CHUK: variants seen among roughly 807,000 people sequenced by gnomAD.
CHUK encodes inhibitor of nuclear factor kappa-B kinase subunit alpha.
CHUK carries 35 observed loss-of-function variants against 104.8 expected under a neutral mutation model. The ratio of observed to expected loss-of-function variants is 0.33; its 90% CI spans 0.26 to 0.44. The LOEUF (loss-of-function observed/expected upper bound fraction) is 0.44, where lower values mean the gene tolerates loss of function less well. Among genes scored for constraint, CHUK ranks in the 20% least tolerant of loss-of-function variants. The probability of loss-of-function intolerance (pLI) is 1.00; values close to 1 mark genes in which losing one functional copy is unlikely to be tolerated. For missense variants in CHUK, 663 were observed against 902.7 expected (o/e 0.73, Z 3.40); for synonymous variants, 276 against 291.9 (o/e 0.95, Z 0.56).
chr10:100,204,018 C>T (rs1845531149), intron 13 of CHUK, among the ~76,000 whole-genome samples: 1 of 152,226 alleles, frequency 6.6e-6, no homozygotes, highest in East Asian at 1.9e-4. Flanking sequence ...TCTGTCCTCA[C>T]ATGCAGAAGG....
At chr10:100,197,352 C>T (rs1845356718) in intron 16 of CHUK, among the ~76,000 whole-genome samples, 1 of 152,180 alleles carries the variant, frequency 6.6e-6, no homozygotes, top group Non-Finnish European at 1.5e-5. Context: ...CCTCCCTTGA[C>T]TCTACATCAA....
At chr10:100,219,473 TA>T (rs1250339907) in intron 5 of CHUK, 114 bp from the exon 6 acceptor site, 1 of 677,046 alleles carries the variant, frequency 1.5e-6, no homozygotes, top group Non-Finnish European at 2.6e-6. Context: ...TTGGGCTCTG[TA>T]ATAACACAAA....
chr10:100,201,962 T>C, intron 14 of CHUK, 126 bp downstream of exon 14: 1 of 761,510 alleles, frequency 1.3e-6, no homozygotes, highest in East Asian at 2.5e-5. Context: ...ACAAAGCATC[T>C]ACTAGAATTT....
At chr10:100,222,602 G>T (rs1343260404) in intron 3 of CHUK, among the ~76,000 whole-genome samples, 1 of 152,138 alleles carries the variant, frequency 6.6e-6, no homozygotes, top group Non-Finnish European at 1.5e-5. Flanking sequence ...AACATTTTCT[G>T]TAAGGAACCA....
In CHUK at chr10:100,189,509, C is replaced by T. The variant is rs1029590808; in HGVS notation, c.*89G>A. 1.4e-5 allele frequency: 14 copies of T among 1,001,262 alleles called. No homozygotes were observed. In the African/African-American group the frequency reaches 2.1e-4, roughly 15 times the overall value. 62.0% of individuals were successfully genotyped at this position (1,001,262 alleles called of 1,614,324 possible). ...AGCCATTTCTTCCATTGACTGATGTCTGAAGAATGGTTTCATGGGGGAAAA... is the reference window on the plus strand; with the variant it reads ...AGCCATTTCTTCCATTGACTGATGTTTGAAGAATGGTTTCATGGGGGAAAA... On this transcript the variant is annotated 3_prime_UTR_variant, in exon 21 of 21. Coordinates refer to ENST00000370397, the MANE Select transcript of CHUK (RefSeq NM_001278.5).
chr10:100,191,092 T>C (rs951918878), intron 19 of CHUK, 124 bp from the exon 20 acceptor site: 5 of 730,752 alleles, frequency 6.8e-6, no homozygotes, highest in South Asian at 4.2e-5. Flanking sequence ...CCCAGTGCAG[T>C]TGACTCCTGT....
chr10:100,212,301 C>A (rs796425863), intron 9 of CHUK, among the ~76,000 whole-genome samples: 1 of 152,250 alleles, frequency 6.6e-6, no homozygotes, highest in African/African-American at 2.4e-5. Context: ...CTCACTAACG[C>A]TTATCTTTTT....
chr10:100,224,082 G>A (rs1373130724), intron 2 of CHUK, among the ~76,000 whole-genome samples: 2 of 126,496 alleles, frequency 1.6e-5, no homozygotes, highest in Admixed American at 8.4e-5. Context: ...TTGCTCGCTC[G>A]TTCACTCTCT....
chr10:100,209,237 G>T (rs1027445404), intron 10 of CHUK, among the ~76,000 whole-genome samples: 1 of 152,142 alleles, frequency 6.6e-6, no homozygotes, highest in African/African-American at 2.4e-5. Flanking sequence ...GAGTTGGTCT[G>T]GCGGTAATTT....
chr10:100,206,270 T>C (rs1165361051), intron 11 of CHUK, among the ~76,000 whole-genome samples: 1 of 152,054 alleles, frequency 6.6e-6, no homozygotes, highest in Non-Finnish European at 1.5e-5. Context: ...TATTTTTAAA[T>C]ATTTTATGTT....
At chr10:100,223,495 G>A (rs980860145) in intron 2 of CHUK, among the ~76,000 whole-genome samples, 2 of 151,996 alleles carry the variant, frequency 1.3e-5, no homozygotes, top group Non-Finnish European at 2.9e-5. Flanking sequence ...AAAATTAGCC[G>A]GGTGTGGTGG....
At chr10:100,192,097 G>A (rs1356383115) in intron 19 of CHUK, among the ~76,000 whole-genome samples, 3 of 152,188 alleles carry the variant, frequency 2.0e-5, no homozygotes, top group African/African-American at 4.8e-5. Context: ...CAGCCTGGGC[G>A]ACAGAATGAG....
chr10:100,223,459 T>C (rs1418323740), intron 2 of CHUK, among the ~76,000 whole-genome samples: 1 of 151,436 alleles, frequency 6.6e-6, no homozygotes, highest in Admixed American at 6.6e-5. Context: ...GGTAACACAG[T>C]GAGACCTCAT....
chr10:100,227,248 T>C (rs1846125087), intron 1 of CHUK, among the ~76,000 whole-genome samples: 1 of 152,230 alleles, frequency 6.6e-6, no homozygotes. Context: ...ATGGGAAGTT[T>C]ATAGATGTAC....
intron 20 of CHUK, chr10:100,190,504 A>G (rs1230912380): frequency 3.6e-6 from 1 of 276,772 alleles, no homozygotes; most frequent in African/African-American, 2.2e-5. Context: ...TTTATTTTCT[A>G]TTCGGGAGGT....
rs1456787056 is a variant in CHUK, at chr10:100,220,302, C to CA, written c.474+285dup. On this transcript the variant is annotated intron_variant, in intron 5 of 20. Transcript: ENST00000370397. ...TTTGCTAGATACTATGATGGAAAAA[C>CA]AGACTTGAACAAGACAGGTGAAGTC... 1.3e-4 allele frequency among the ~76,000 whole-genome samples: 19 copies of CA among 151,010 alleles called. No individual in the cohort carries two copies. The East Asian group carries it at 3.7e-3, about 29-fold the overall frequency.
intron 9 of CHUK, among the ~76,000 whole-genome samples, chr10:100,213,000 CAAA>C (rs11349438): frequency 7.7e-5 from 8 of 104,524 alleles, no homozygotes; most frequent in East Asian, 2.8e-4. Flanking sequence ...GACTTTGTCT[CAAA>C]AAAAAAAAAA....
chr10:100,219,341 C>A lies in CHUK; in HGVS notation c.493G>T (p.Asp165Tyr). ...VGGKIIHKII[D>Y]LGYAKDVDQG... ...TCAACATCTTTGGCATATCCCAGAT[C>A]AATTATTTTATGTATTATCTGCAAA... Residue 165 changes from aspartate (D) to tyrosine (Y), a missense_variant, in exon 6 of 21, where the codon GAT (aspartate) becomes TAT (tyrosine). Physicochemically the swap from Asp to Tyr is radical, Grantham distance 160. Around this residue, in one of 5 missense-constraint regions of CHUK, gnomAD observed 200 missense variants for 333.0 expected, o/e 0.60. Transcript: ENST00000370397. 6.3e-7 allele frequency: 1 copy of A among 1,575,546 alleles called. No homozygotes were observed. Among genetic ancestry groups the A allele is most frequent in the South Asian group, 1.1e-5 (1 of 90,286 alleles).
intron 5 of CHUK, among the ~76,000 whole-genome samples, chr10:100,219,843 T>TAA (rs1350024157): frequency 7.1e-6 from 1 of 140,862 alleles, no homozygotes. Flanking sequence ...GTCTTTGGAT[T>TAA]AAAAAAAAAA....
Sources: allele counts gnomAD v4.1 joint callset (sites outside exome capture counted in the v4.1 genomes callset), GRCh38; gene constraint gnomAD v4.1.1; regional missense constraint gnomAD v4.1.1; transcripts MANE v1.5; gene names NCBI Gene and HGNC (gene_info 2026-07-23, HGNC 2026-07-21).